Variants in AKAP9 observed in about 807,000 individuals in gnomAD.
The protein encoded by AKAP9 is A-kinase anchor protein 9.
A neutral mutation model predicts 488.5 loss-of-function variants in AKAP9; 311 were observed. The ratio of observed to expected loss-of-function variants is 0.64; its 90% CI spans 0.58 to 0.70. AKAP9 has a LOEUF of 0.70. Among genes scored for constraint, AKAP9 ranks in the 30% least tolerant of loss-of-function variants. The pLI, the probability that AKAP9 is intolerant of heterozygous loss-of-function variation, is 0.00. For synonymous variants in AKAP9, 1,462 were observed against 1,483.5 expected, an observed-to-expected ratio of 0.99 and a Z score of 0.33; for missense variants, 4,215 against 4,374.5, an observed-to-expected ratio of 0.96 and a Z score of 1.03.
intron 1 of AKAP9, among the ~76,000 whole-genome samples, chr7:91,944,076 A>G (rs889751482): frequency 9.9e-5 from 15 of 152,224 alleles, no homozygotes; most frequent in East Asian, 1.9e-4. Context: ...TATATAGTAT[A>G]CTGTATAAAA....
chr7:91,971,139 A>G (rs1795023988), intron 1 of AKAP9, among the ~76,000 whole-genome samples: 1 of 152,030 alleles, frequency 6.6e-6, no homozygotes, highest in Admixed American at 6.6e-5. Flanking sequence ...TTTCGAGGTA[A>G]TTTTCTGTGT....
In AKAP9 at chr7:92,066,493, C is replaced by T; in HGVS notation, c.6277C>T (p.Gln2093Ter). 1 of 1,613,526 alleles carries T rather than the reference C, an allele frequency of 6.2e-7. No homozygotes were observed. Among genetic ancestry groups the T allele is most frequent in the Non-Finnish European group, 8.5e-7 (1 of 1,179,634 alleles). The change falls in exon 26 of 50, where the codon CAA becomes TAA. Residue 2093 changes from glutamine (Q) to a stop codon, truncating the protein, a stop_gained. Transcript: ENST00000356239. LOFTEE classifies it high-confidence loss of function. ...ACAGGAAATACAGAAACTAGAACAG[C>T]AACTTAAGGTTGTTCCTCGATTCCA... ...FQQEIQKLEQ[Q>*]LKVVPRFQPI...
intron 7 of AKAP9, among the ~76,000 whole-genome samples, chr7:91,997,385 T>G (rs2299232): frequency 0.35 from 52,889 of 152,042 alleles, 9,583 homozygotes; most frequent in Middle Eastern, 0.39. Flanking sequence ...TGGAAGAGTT[T>G]CCATTTGAGG....
intron 1 of AKAP9, among the ~76,000 whole-genome samples, chr7:91,969,754 G>A (rs190125779): frequency 3.9e-5 from 6 of 152,162 alleles, no homozygotes; most frequent in East Asian, 1.9e-4. Flanking sequence ...CCAGTTGCAC[G>A]GAATATCCTT....
At position 92,086,366 on chromosome 7, in the gene AKAP9, A is replaced by G; in HGVS notation, c.9163A>G (p.Thr3055Ala). The part of the protein sequence containing the change: ...FRTELTALGT[T>A]DAVGLLNCLE... ...GACGGAGCTGACAGCTCTAGGTACT[A>G]CAGATGCAGTTGGTTTACTAAACTG... The change falls in exon 37 of 50, where the codon ACA becomes GCA. Residue 3055 changes from threonine (T) to alanine (A), a missense_variant. Around this residue, in one of 5 missense-constraint regions of AKAP9, gnomAD observed 1,476 missense variants for 1,477.4 expected, o/e 1.00. Coordinates refer to ENST00000356239, the MANE Select transcript of AKAP9 (RefSeq NM_005751.5). 6.2e-7 allele frequency: 1 copy of G among 1,614,024 alleles called. No homozygotes were observed. Among genetic ancestry groups the G allele is most frequent in the African/African-American group, 1.3e-5 (1 of 75,030 alleles).
intron 1 of AKAP9, among the ~76,000 whole-genome samples, chr7:91,944,788 A>T (rs1584510131): frequency 6.6e-6 from 1 of 152,268 alleles, no homozygotes; most frequent in East Asian, 1.9e-4. Context: ...AATGAGGCAC[A>T]GAATAACTAG....
At chr7:92,075,473 T>C (rs540589219) in intron 28 of AKAP9, among the ~76,000 whole-genome samples, 1 of 152,376 alleles carries the variant, frequency 6.6e-6, no homozygotes, top group South Asian at 2.1e-4. Context: ...CTGAGTTTAA[T>C]AACCAGTGTT....
At chr7:91,995,075 C>T (rs1798221565) in intron 6 of AKAP9, among the ~76,000 whole-genome samples, 1 of 152,226 alleles carries the variant, frequency 6.6e-6, no homozygotes, top group South Asian at 2.1e-4. Flanking sequence ...CCTACCTTTG[C>T]CAATTCTGGT....
At chr7:91,963,481 G>GACAC (rs1562902649) in intron 1 of AKAP9, among the ~76,000 whole-genome samples, 8 of 115,636 alleles carry the variant, frequency 6.9e-5, no homozygotes, top group South Asian at 2.9e-4. Flanking sequence ...TAACATATTT[G>GACAC]TCACACACAC....
intron 39 of AKAP9, among the ~76,000 whole-genome samples, chr7:92,093,824 TTTTA>T (rs753217636): frequency 3.0e-4 from 45 of 152,066 alleles, no homozygotes; most frequent in Non-Finnish European, 4.3e-4. Flanking sequence ...TTTATTTACT[TTTTA>T]TTTATTTATT....
At chr7:92,012,972 A>ATTTTT in intron 9 of AKAP9, among the ~76,000 whole-genome samples, 1 of 103,010 alleles carries the variant, frequency 9.7e-6, no homozygotes, top group Non-Finnish European at 1.9e-5. Flanking sequence ...GTGGGGTTGG[A>ATTTTT]ATTTTTTTTT....
intron 1 of AKAP9, among the ~76,000 whole-genome samples, chr7:91,958,771 G>C (rs1284283523): frequency 2.6e-5 from 4 of 151,992 alleles, no homozygotes; most frequent in Non-Finnish European, 5.9e-5. Flanking sequence ...CTATGCATAA[G>C]TAAAACGTTA....
In AKAP9 at chr7:92,108,836, C is replaced by A. The variant is rs1818934342; in HGVS notation, c.11686+203C>A. 11 of 666,636 alleles carry A rather than the reference C, an allele frequency of 1.7e-5. No homozygotes were observed. The South Asian group carries it at 1.7e-4, about 11-fold the overall frequency. 41.3% of individuals were successfully genotyped at this position (666,636 alleles called of 1,614,324 possible). Reference sequence around the variant, plus strand: ...TAATTTAAGTGAAAATATGATTTATCACCCCAGATCCCACTCCTCCCAAAA... The same window carrying A: ...TAATTTAAGTGAAAATATGATTTATAACCCCAGATCCCACTCCTCCCAAAA... On this transcript the variant is annotated intron_variant, in intron 49 of 49. Coordinates refer to ENST00000356239, the MANE Select transcript of AKAP9 (RefSeq NM_005751.5).
At position 92,042,052 on chromosome 7, in the gene AKAP9, T is replaced by C. The variant is rs1260353675; in HGVS notation, c.4924T>C (p.Ser1642Pro). The change falls in exon 19 of 50, where the codon TCC (serine) becomes CCC (proline). Residue 1642 changes from serine (S) to proline (P), a missense_variant. By Grantham distance (74) the Ser-to-Pro change is moderately conservative (BLOSUM62 -1). This residue lies in a region of AKAP9 where 2,361 missense variants were observed against 2,430.0 expected (regional missense o/e 0.97). Coordinates refer to ENST00000356239, the MANE Select transcript of AKAP9 (RefSeq NM_005751.5). ...GACCTTTTTTCTTATTTAGAGATCC[T>C]CCATAGATAATGAAAACCTGGTTTC... ...RLNRQLAQRS[S>P]IDNENLVSER... 6.2e-7 allele frequency: 1 copy of C among 1,613,624 alleles called. No individual in the cohort carries two copies. The highest frequency in any genetic ancestry group is 1.7e-5 in the Admixed American group (1 of 59,948).
At chr7:92,062,552 G>C in intron 24 of AKAP9, 66 bp downstream of exon 24, 1 of 1,449,950 alleles carries the variant, frequency 6.9e-7, no homozygotes, top group Non-Finnish European at 9.6e-7. Context: ...AAAGGCTTAA[G>C]GTGGCTTTTT....
In AKAP9 at chr7:92,110,164, T is replaced by A; in HGVS notation, c.*5T>A. The A allele has an allele frequency of 1.3e-6, 2 of 1,595,184 alleles. No homozygotes were observed. Among genetic ancestry groups the A allele is most frequent in the Non-Finnish European group, 1.7e-6 (2 of 1,166,054 alleles). On this transcript the variant is annotated 3_prime_UTR_variant, in exon 50 of 50. Transcript: ENST00000356239. Reference sequence around the variant, plus strand: ...CATGCTGGCATGAGAAGATAATCCTTTGAAACATCATTAATTGAAGTGATT... The same window carrying A: ...CATGCTGGCATGAGAAGATAATCCTATGAAACATCATTAATTGAAGTGATT...
chr7:91,998,920 C>A (rs1227240353), intron 7 of AKAP9, among the ~76,000 whole-genome samples: 2 of 152,014 alleles, frequency 1.3e-5, no homozygotes, highest in African/African-American at 4.8e-5. Flanking sequence ...TGGATGAAAA[C>A]ACTGGGATTA....
intron 14 of AKAP9, among the ~76,000 whole-genome samples, chr7:92,027,621 G>A (rs1361249449): frequency 2.7e-4 from 34 of 126,742 alleles, no homozygotes; most frequent in Non-Finnish European, 4.4e-4. Context: ...CTGCCTGGCC[G>A]CCCCGTCTGG....
Position 92,022,932 on chromosome 7 carries a change from T to C in AKAP9, c.4071T>C (p.Thr1357=), listed in dbSNP as rs1267824964. Residue 1357 remains threonine, a synonymous_variant, in exon 14 of 50, where the codon ACT becomes ACC. Coordinates refer to ENST00000356239, the MANE Select transcript of AKAP9 (RefSeq NM_005751.5). Reference sequence around the variant, plus strand: ...CTTTGCAGCAACAGTTGAAAGAAACTGAACAAAACTATGAGGCAGAGATCC... The same window carrying C: ...CTTTGCAGCAACAGTTGAAAGAAACCGAACAAAACTATGAGGCAGAGATCC... The part of the protein sequence containing the change: ...ISSLQQQLKE[T]EQNYEAEIHC... 1.2e-6 allele frequency: 2 copies of C among 1,614,040 alleles called. No homozygotes were observed. Among genetic ancestry groups the C allele is most frequent in the Non-Finnish European group, 1.7e-6 (2 of 1,179,916 alleles).
Sources: allele counts gnomAD v4.1 joint callset (sites outside exome capture counted in the v4.1 genomes callset), GRCh38; gene constraint gnomAD v4.1.1; regional missense constraint gnomAD v4.1.1; transcripts MANE v1.5; gene names NCBI Gene and HGNC (gene_info 2026-07-23, HGNC 2026-07-21).